The following OR51B5 variants were observed in gnomAD, a reference collection of about 807,000 sequenced individuals.
The protein encoded by OR51B5 is olfactory receptor 51B5.
For synonymous variants in OR51B5, 186 were observed against 144.8 expected, an observed-to-expected ratio of 1.28 and a Z score of -2.04; for missense variants, 456 against 374.6, an observed-to-expected ratio of 1.22 and a Z score of -1.79.
intron 1 of OR51B5, among the ~76,000 whole-genome samples, chr11:5,476,074 A>T (rs1851301158): frequency 6.6e-6 from 1 of 152,112 alleles, no homozygotes. Context: ...ACCTTAATTA[A>T]TCCAAGTCCA....
chr11:5,404,461 C>T (rs902548568), intron 1 of OR51B5, among the ~76,000 whole-genome samples: 1 of 152,182 alleles, frequency 6.6e-6, no homozygotes, highest in South Asian at 2.1e-4. Context: ...ACACACCATT[C>T]AGCACTCTGT....
chr11:5,351,940 C>G (rs5006886), intron 1 of OR51B5: 399,426 of 1,586,536 alleles, frequency 0.25, 54,296 homozygotes, highest in African/African-American at 0.31. Context: ...GATTGGTGTG[C>G]GGGTATTGAC....
At chr11:5,478,745 G>A (rs1475792353) in intron 1 of OR51B5, among the ~76,000 whole-genome samples, 2 of 151,256 alleles carry the variant, frequency 1.3e-5, no homozygotes, top group Non-Finnish European at 2.9e-5. Context: ...GCGATCAACT[G>A]GAAGAAAGGG....
chr11:5,427,434 A>G (rs1172196170), intron 1 of OR51B5, among the ~76,000 whole-genome samples: 1 of 152,254 alleles, frequency 6.6e-6, no homozygotes, highest in Non-Finnish European at 1.5e-5. Context: ...ACACAAGGGG[A>G]AAAGCCTTGA....
upstream of OR51B5, among the ~76,000 whole-genome samples, chr11:5,345,084 T>G (rs1235155244): frequency 6.6e-6 from 1 of 152,160 alleles, no homozygotes; most frequent in Non-Finnish European, 1.5e-5. Flanking sequence ...AAGAAGCAGG[T>G]AGTAATCAAG....
intron 1 of OR51B5, chr11:5,384,036 GC>G (rs1434387796): frequency 6.6e-6 from 1 of 152,166 alleles, no homozygotes; most frequent in Non-Finnish European, 1.5e-5. Context: ...AAAGCAGTGA[GC>G]CCAAAAAGAC....
intron 1 of OR51B5, chr11:5,488,897 T>A: frequency 1.2e-6 from 2 of 1,614,090 alleles, no homozygotes; most frequent in Non-Finnish European, 1.7e-6. Context: ...CCTATGTACC[T>A]CTTCCTCTGC....
intron 1 of OR51B5, chr11:5,453,628 A>G: frequency 6.2e-7 from 1 of 1,613,814 alleles, no homozygotes; most frequent in Non-Finnish European, 8.5e-7. Context: ...GTGATCCTGC[A>G]GGCTGTGCGA....
intron 1 of OR51B5, among the ~76,000 whole-genome samples, chr11:5,466,175 T>C (rs1851136496): frequency 6.6e-6 from 1 of 152,228 alleles, no homozygotes; most frequent in African/African-American, 2.4e-5. Context: ...TAGACGACAA[T>C]ACACTGTAAA....
intron 1 of OR51B5, among the ~76,000 whole-genome samples, chr11:5,470,059 T>C (rs568168790): frequency 1.3e-5 from 2 of 152,338 alleles, no homozygotes; most frequent in African/African-American, 4.8e-5. Context: ...TGGATTTTGT[T>C]TTAATCTCTG....
upstream of OR51B5, among the ~76,000 whole-genome samples, chr11:5,347,436 G>A (rs114392527): frequency 6.6e-3 from 999 of 152,224 alleles, 10 homozygotes; most frequent in African/African-American, 0.023. Context: ...TTCCCTTCTT[G>A]AGTTTAGCCT....
chr11:5,370,298 A>C (rs1933268774), intron 1 of OR51B5, among the ~76,000 whole-genome samples: 1 of 152,216 alleles, frequency 6.6e-6, no homozygotes. Context: ...AGTATCTTTT[A>C]TGCTGACTGT....
chr11:5,414,757 G>T (rs1850211350), intron 1 of OR51B5, among the ~76,000 whole-genome samples: 1 of 152,122 alleles, frequency 6.6e-6, no homozygotes, highest in Non-Finnish European at 1.5e-5. Flanking sequence ...CAATACAGGA[G>T]CACCCAGATT....
At chr11:5,388,350 G>C (rs2133726487) in intron 1 of OR51B5, among the ~76,000 whole-genome samples, 1 of 151,666 alleles carries the variant, frequency 6.6e-6, no homozygotes, top group South Asian at 2.1e-4. Context: ...AGTGCATAGT[G>C]AACTACAGGA....
At chr11:5,379,215 A>G (rs1043523893) in intron 1 of OR51B5, among the ~76,000 whole-genome samples, 3 of 152,094 alleles carry the variant, frequency 2.0e-5, no homozygotes, top group Non-Finnish European at 4.4e-5. Context: ...GCAAGGACAA[A>G]AAACCAAACA....
At chr11:5,423,735 C>T (rs1474913700) in intron 1 of OR51B5, among the ~76,000 whole-genome samples, 1 of 152,114 alleles carries the variant, frequency 6.6e-6, no homozygotes, top group African/African-American at 2.4e-5. Context: ...TTACCTAACA[C>T]CCAAGTAATT....
chr11:5,359,215 A>C (rs1375697692), intron 1 of OR51B5, among the ~76,000 whole-genome samples: 1 of 150,668 alleles, frequency 6.6e-6, no homozygotes, highest in Non-Finnish European at 1.5e-5. Context: ...CCCTGTTTGC[A>C]GATGACACGA....
chr11:5,443,039 G>C (rs1051667209), intron 1 of OR51B5, among the ~76,000 whole-genome samples: 1 of 151,752 alleles, frequency 6.6e-6, no homozygotes, highest in African/African-American at 2.4e-5. Flanking sequence ...CCTAACTTCA[G>C]GCAAAATAAA....
intron 1 of OR51B5, among the ~76,000 whole-genome samples, chr11:5,438,629 G>C (rs1349163851): frequency 6.6e-6 from 1 of 152,018 alleles, no homozygotes; most frequent in South Asian, 2.1e-4. Flanking sequence ...CTCAGTTTCT[G>C]CCTCCATTAA....
Sources: allele counts gnomAD v4.1 joint callset (sites outside exome capture counted in the v4.1 genomes callset), GRCh38; gene constraint gnomAD v4.1.1; transcripts MANE v1.5; gene names NCBI Gene and HGNC (gene_info 2026-07-23, HGNC 2026-07-21).